Variants in SCN8A observed in about 807,000 individuals in gnomAD.
SCN8A encodes sodium voltage-gated channel alpha subunit 8.
A neutral mutation model predicts 184.1 loss-of-function variants in SCN8A; 30 were observed. The ratio of observed to expected loss-of-function variants is 0.16; its 90% confidence interval spans 0.12 to 0.22. The LOEUF is 0.22. Among genes scored for constraint, SCN8A ranks in the 10% least tolerant of loss-of-function variants. SCN8A has a pLI of 1.00. For synonymous variants in SCN8A, 852 were observed against 907.0 expected (o/e 0.94, Z 1.09); for missense variants, 1,057 against 2,498.9 (o/e 0.42, Z 12.30).
chr12:51,597,237 T>C (rs1939367732), intron 1 of SCN8A, among the ~76,000 whole-genome samples: 1 of 152,062 alleles, frequency 6.6e-6, no homozygotes, highest in Non-Finnish European at 1.5e-5. Flanking sequence ...GATGGAGAGA[T>C]TTGGATCACT....
chr12:51,805,743 A>T (rs980514796), intron 26 of SCN8A, among the ~76,000 whole-genome samples: 3 of 152,134 alleles, frequency 2.0e-5, no homozygotes, highest in Non-Finnish European at 4.4e-5. Context: ...AAAAACAACA[A>T]CATCAAAAGA....
chr12:51,750,377 G>A (rs1942577799), intron 13 of SCN8A, among the ~76,000 whole-genome samples: 1 of 152,098 alleles, frequency 6.6e-6, no homozygotes, highest in Admixed American at 6.6e-5. Flanking sequence ...GACCCAGGGA[G>A]GGAAGGAGGA....
At chr12:51,803,951 A>G (rs573992682) in intron 26 of SCN8A, among the ~76,000 whole-genome samples, 25 of 152,324 alleles carry the variant, frequency 1.6e-4, no homozygotes, top group African/African-American at 6.0e-4. Context: ...TCTGCAGTTA[A>G]CTGCCCCAGT....
intron 14 of SCN8A, among the ~76,000 whole-genome samples, chr12:51,760,767 A>T (rs1209694158): frequency 6.6e-6 from 1 of 151,526 alleles, no homozygotes; most frequent in African/African-American, 2.4e-5. Flanking sequence ...TCTTTGTGGA[A>T]TTTTTTTTTC....
chr12:51,722,047 A>C (rs1180409542), intron 12 of SCN8A, 139 bp downstream of exon 12: 2 of 1,322,434 alleles, frequency 1.5e-6, no homozygotes, highest in African/African-American at 2.9e-5. Flanking sequence ...TCTGGACCCC[A>C]CTCCTGTTAA....
At position 51,706,503 on chromosome 12, in the gene SCN8A, C is replaced by T. The variant is rs771577480; in HGVS notation, c.1423C>T (p.Arg475Trp). The T allele has an allele frequency of 7.5e-6, 12 of 1,604,654 alleles. No homozygotes were observed. Among genetic ancestry groups the T allele is most frequent in the Admixed American group, 3.4e-5 (2 of 58,612 alleles). The change falls in exon 11 of 27, where the codon CGG becomes TGG. Residue 475 changes from arginine (R) to tryptophan (W), a missense_variant. Transcript: ENST00000627620. ...EEGEEGGGSP[R>W]SSSEISKLSS... ...AGGTGAAGAAGGAGGGGGCTCCCCT[C>T]GGAGCTCTTCTGAAATCTCTAAACT...
chr12:51,770,071 G>T (rs1294462074), intron 18 of SCN8A, 86 bp downstream of exon 18: 5 of 876,448 alleles, frequency 5.7e-6, no homozygotes, highest in Non-Finnish European at 7.3e-6. Context: ...TGGGTGAGGG[G>T]CAGCTCAGTG....
At chr12:51,638,169 C>A (rs1047408367) in intron 1 of SCN8A, among the ~76,000 whole-genome samples, 2 of 152,148 alleles carry the variant, frequency 1.3e-5, no homozygotes, top group African/African-American at 4.8e-5. Context: ...TATTAATACT[C>A]ATTGACAGTA....
At chr12:51,757,207 G>A (rs1260122299) in intron 14 of SCN8A, among the ~76,000 whole-genome samples, 1 of 152,196 alleles carries the variant, frequency 6.6e-6, no homozygotes, top group Non-Finnish European at 1.5e-5. Flanking sequence ...ACCCTAACTG[G>A]AGATGCAGGA....
intron 19 of SCN8A, among the ~76,000 whole-genome samples, chr12:51,773,404 A>G (rs980760693): frequency 6.6e-6 from 1 of 152,234 alleles, no homozygotes; most frequent in Non-Finnish European, 1.5e-5. Flanking sequence ...TAAAATAGTG[A>G]TAAGATTTTC....
chr12:51,653,052 G>C (rs2138655684), intron 1 of SCN8A, among the ~76,000 whole-genome samples: 1 of 152,306 alleles, frequency 6.6e-6, no homozygotes, highest in South Asian at 2.1e-4. Flanking sequence ...AAGCGAGGTG[G>C]CTCACGCCTG....
chr12:51,648,230 C>A (rs1372083714), intron 1 of SCN8A, among the ~76,000 whole-genome samples: 1 of 152,170 alleles, frequency 6.6e-6, no homozygotes, highest in Non-Finnish European at 1.5e-5. Context: ...CACTATGTTG[C>A]CCAAAGGCTG....
At chr12:51,634,532 C>T (rs1349028614) in intron 1 of SCN8A, among the ~76,000 whole-genome samples, 1 of 151,952 alleles carries the variant, frequency 6.6e-6, no homozygotes, top group African/African-American at 2.4e-5. Context: ...AAGGAAAGAA[C>T]ATGGATGGAT....
At chr12:51,786,984 T>G (rs1938104658) in intron 22 of SCN8A, among the ~76,000 whole-genome samples, 158 bp downstream of exon 22, 1 of 152,208 alleles carries the variant, frequency 6.6e-6, no homozygotes, top group African/African-American at 2.4e-5. Flanking sequence ...TTCAGAGAGA[T>G]ACCTTTCCTG....
intron 1 of SCN8A, among the ~76,000 whole-genome samples, chr12:51,657,700 C>T (rs1031420451): frequency 2.0e-5 from 3 of 152,040 alleles, no homozygotes; most frequent in Non-Finnish European, 2.9e-5. Flanking sequence ...AAATCTTTGC[C>T]CAGACCAATG....
intron 11 of SCN8A, chr12:51,712,680 C>T: frequency 2.4e-6 from 2 of 845,294 alleles, no homozygotes; most frequent in Non-Finnish European, 4.1e-6. Context: ...TCATATCCTC[C>T]ACCACCGCTA....
At chr12:51,693,113 A>C (rs1205722376) in intron 6 of SCN8A, among the ~76,000 whole-genome samples, 1 of 152,230 alleles carries the variant, frequency 6.6e-6, no homozygotes, top group Admixed American at 6.5e-5. Flanking sequence ...TTCCCATCCC[A>C]GTATTCACAA....
chr12:51,612,237 C>T (rs1243246626), intron 1 of SCN8A, among the ~76,000 whole-genome samples: 1 of 152,234 alleles, frequency 6.6e-6, no homozygotes, highest in Non-Finnish European at 1.5e-5. Flanking sequence ...ACGCAGCTCA[C>T]TGCAACCTCT....
intron 25 of SCN8A, among the ~76,000 whole-genome samples, chr12:51,793,360 G>A (rs1024368894): frequency 6.6e-6 from 1 of 152,098 alleles, no homozygotes; most frequent in Non-Finnish European, 1.5e-5. Flanking sequence ...CTGGGTGAGG[G>A]GCAGGGAACA....
Sources: allele counts gnomAD v4.1 joint callset (sites outside exome capture counted in the v4.1 genomes callset), GRCh38; gene constraint gnomAD v4.1.1; transcripts MANE v1.5; gene names NCBI Gene and HGNC (gene_info 2026-07-23, HGNC 2026-07-21).